The following GDI2 variants were observed in gnomAD, a reference collection of about 807,000 sequenced individuals.
GDI2 encodes the protein rab GDP dissociation inhibitor beta.
In GDI2, 22 loss-of-function variants were observed where a neutral mutation model predicts 54.2. That is an observed-to-expected ratio of 0.41 (90% CI 0.29 to 0.58). GDI2 has a LOEUF of 0.58. Among genes scored for constraint, GDI2 ranks in the 20% least tolerant of loss-of-function variants. GDI2 has a pLI of 0.35. For synonymous variants in GDI2, 177 were observed against 182.1 expected (o/e 0.97, Z 0.23); for missense variants, 422 against 546.0 (o/e 0.77, Z 2.26).
intron 1 of GDI2, among the ~76,000 whole-genome samples, chr10:5,809,946 C>T (rs990484032): frequency 1.8e-4 from 27 of 151,534 alleles, no homozygotes; most frequent in African/African-American, 6.5e-4. Context: ...ACACAGCTCC[C>T]AAGTGTAACA....
At chr10:5,767,994 C>G (rs1332231441) in intron 8 of GDI2, among the ~76,000 whole-genome samples, 1 of 152,208 alleles carries the variant, frequency 6.6e-6, no homozygotes, top group African/African-American at 2.4e-5. Context: ...GTTCATTCTA[C>G]AGGTGATGGA....
At position 5,774,168 on chromosome 10, in the gene GDI2, G is replaced by A. The variant is rs1207406066; in HGVS notation, c.720-227C>T. Reference sequence around the variant, plus strand: ...ATCACTAACCAGGCACTTGTCTTTCGAGCTGCCCACTCGGCCCTCCTCCAA... The same window carrying A: ...ATCACTAACCAGGCACTTGTCTTTCAAGCTGCCCACTCGGCCCTCCTCCAA... On this transcript the variant is annotated intron_variant, in intron 6 of 10. Transcript: ENST00000380191. This position sits in a 1 kb window ranked among gnomAD's most constrained non-coding sequence, Gnocchi z 4.8. Among the ~76,000 whole-genome samples the A allele has an allele frequency of 2.6e-5, 4 of 151,992 alleles. No homozygotes were observed. The highest frequency in any genetic ancestry group is 3.9e-4 in the East Asian group (2 of 5,178).
chr10:5,793,224 G>C (rs1841057029), intron 4 of GDI2, among the ~76,000 whole-genome samples: 1 of 151,966 alleles, frequency 6.6e-6, no homozygotes, highest in South Asian at 2.1e-4. Context: ...TCAACTCCTG[G>C]CCTAAATCAA....
chr10:5,789,974 AT>A (rs1840975898), intron 4 of GDI2, among the ~76,000 whole-genome samples: 1 of 152,172 alleles, frequency 6.6e-6, no homozygotes, highest in Non-Finnish European at 1.5e-5. Flanking sequence ...TCTCCAGTAA[AT>A]TATCTGTCAC....
At chr10:5,793,749 T>C (rs1564395773) in intron 4 of GDI2, among the ~76,000 whole-genome samples, 1 of 152,148 alleles carries the variant, frequency 6.6e-6, no homozygotes, top group Non-Finnish European at 1.5e-5. Flanking sequence ...GACTAAAACA[T>C]CTTGAAGAAC....
chr10:5,810,762 A>G (rs888304922), intron 1 of GDI2, among the ~76,000 whole-genome samples: 1 of 152,206 alleles, frequency 6.6e-6, no homozygotes, highest in Admixed American at 6.5e-5. Flanking sequence ...AGAAAATTCA[A>G]TTGTGTGGAA....
intron 1 of GDI2, among the ~76,000 whole-genome samples, chr10:5,801,007 A>G (rs1037481589): frequency 6.6e-6 from 1 of 151,836 alleles, no homozygotes; most frequent in African/African-American, 2.4e-5. Context: ...CAGGAGTGCA[A>G]TGGCGCAATC....
rs1840353330 is a variant in GDI2 at position 5,766,948 on chromosome 10, G to A, written c.992-310C>T. Among the ~76,000 whole-genome samples, 1 of 152,184 alleles carries A rather than the reference G, an allele frequency of 6.6e-6. No individual in the cohort carries two copies. The highest frequency in any genetic ancestry group is 1.5e-5 in the Non-Finnish European group (1 of 68,028). On this transcript the variant is annotated intron_variant, in intron 8 of 10. Coordinates refer to ENST00000380191, the MANE Select transcript of GDI2 (RefSeq NM_001494.4). This position sits in a 1 kb window ranked among gnomAD's most constrained non-coding sequence, Gnocchi z 5.8. ...CCTGCCAAACCATATTAACTATTCT[G>A]GGAGATTCTTCCATTCTGGACCTTG...
At chr10:5,808,297 C>T (rs988040011) in intron 1 of GDI2, among the ~76,000 whole-genome samples, 1 of 152,142 alleles carries the variant, frequency 6.6e-6, no homozygotes, top group Non-Finnish European at 1.5e-5. Context: ...TGCACTCCAG[C>T]CTGGGTAAGA....
At position 5,774,418 on chromosome 10, in the gene GDI2, T is replaced by C. The variant is rs1353409035; in HGVS notation, c.720-477A>G. Among the ~76,000 whole-genome samples the C allele has an allele frequency of 1.3e-5, 2 of 152,266 alleles. No individual in the cohort carries two copies. The highest frequency in any genetic ancestry group is 3.9e-4 in the East Asian group (2 of 5,184). The stretch of plus-strand genomic sequence containing the variant: ...CGGCTACCTTCCACCAGCAACACAT[T>C]TGGTGCTGTGTGACTCGGATACATT... On this transcript the variant is annotated intron_variant, in intron 6 of 10. Transcript: ENST00000380191. The surrounding 1 kb of genome is among the most constrained non-coding windows in gnomAD (Gnocchi z 4.8).
intron 6 of GDI2, among the ~76,000 whole-genome samples, chr10:5,777,499 C>T (rs1391593082): frequency 6.6e-6 from 1 of 152,046 alleles, no homozygotes; most frequent in Non-Finnish European, 1.5e-5. Flanking sequence ...CAAAAGAAAA[C>T]ATTTATGCAG....
chr10:5,777,400 G>C (rs531368141), intron 6 of GDI2, among the ~76,000 whole-genome samples: 2 of 152,192 alleles, frequency 1.3e-5, no homozygotes, highest in Non-Finnish European at 2.9e-5. Context: ...TTGAACCCAG[G>C]AGGCGGAGGC....
rs569671634 is a variant in GDI2, at chr10:5,765,912, A to G, written c.*94T>C. ...AGCGCTCTTCATTCTCTCCATTTTC[A>G]TTACAAAAGCAGGCCTTACAATATT... On this transcript the variant is annotated 3_prime_UTR_variant, in exon 11 of 11. Coordinates refer to ENST00000380191, the MANE Select transcript of GDI2 (RefSeq NM_001494.4). 1.0e-5 allele frequency: 9 copies of G among 879,288 alleles called. No individual in the cohort carries two copies. The highest frequency in any genetic ancestry group is 8.8e-5 in the South Asian group (5 of 56,860). 54.5% of individuals were successfully genotyped at this position (879,288 alleles called of 1,614,324 possible).
At chr10:5,789,849 C>T (rs1047565318) in intron 4 of GDI2, among the ~76,000 whole-genome samples, 6 of 152,208 alleles carry the variant, frequency 3.9e-5, no homozygotes, top group African/African-American at 1.4e-4. Flanking sequence ...GCAGTACATA[C>T]TGTACTACTG....
chr10:5,806,651 T>C (rs908942324), intron 1 of GDI2, among the ~76,000 whole-genome samples: 3 of 152,096 alleles, frequency 2.0e-5, no homozygotes, highest in Non-Finnish European at 4.4e-5. Flanking sequence ...ATGAAGGTAT[T>C]TTAACAACTA....
chr10:5,803,054 G>C (rs1841304006), intron 1 of GDI2, among the ~76,000 whole-genome samples: 1 of 152,288 alleles, frequency 6.6e-6, no homozygotes, highest in African/African-American at 2.4e-5. Flanking sequence ...CTTCAGCCTA[G>C]ACAATATATC....
At chr10:5,786,970 A>G (rs945146500) in intron 4 of GDI2, among the ~76,000 whole-genome samples, 3 of 152,222 alleles carry the variant, frequency 2.0e-5, no homozygotes, top group Non-Finnish European at 4.4e-5. Flanking sequence ...ATAAATCCTC[A>G]GCTTTTATTA....
chr10:5,800,677 A>G lies in GDI2; in HGVS notation c.74T>C (p.Val25Ala), dbSNP rs1817856179. The G allele has an allele frequency of 6.3e-7, 1 of 1,585,582 alleles. No individual in the cohort carries two copies. The highest frequency in any genetic ancestry group is 8.7e-7 in the Non-Finnish European group (1 of 1,153,906). Residue 25 changes from valine (V) to alanine (A), a missense_variant, in exon 2 of 11, where the codon GTG becomes GCG. Transcript: ENST00000380191. ...TECILSGIMS[V>A]NGKKVLHMDR... ...CATATGAAGAACTTTCTTGCCATTC[A>G]CTGACATTATACCTGACAGGATACA...
Position 5,768,495 on chromosome 10 carries a change from C to G in GDI2, c.820-111G>C. The G allele has an allele frequency of 2.9e-6, 2 of 683,142 alleles. No homozygotes were observed. Among genetic ancestry groups the G allele is most frequent in the Admixed American group, 2.8e-5 (1 of 35,870 alleles). The allele number at this position is 683,142 out of a possible 1,614,324, so 42.3% of individuals were successfully genotyped here. On this transcript the variant is annotated intron_variant, in intron 7 of 10. Transcript: ENST00000380191. The surrounding 1 kb of genome is among the most constrained non-coding windows in gnomAD (Gnocchi z 4.4). ...TTGTTAAGATATCAAAAACCATCCT[C>G]AAGTTCATATTGGTTCCCAAGGGAT...
Sources: gnomAD v4.1 joint callset for allele counts (sites outside exome capture counted in the v4.1 genomes callset) on GRCh38, gnomAD v4.1.1 for gene constraint, Gnocchi (gnomAD v3.1) non-coding constraint, MANE v1.5 for transcripts, NCBI Gene and HGNC (gene_info 2026-07-23, HGNC 2026-07-21) for gene names.